Variants in SLCO5A1 observed in about 807,000 individuals in gnomAD.
The protein encoded by SLCO5A1 is solute carrier organic anion transporter family member 5A1.
In SLCO5A1, 39 loss-of-function variants were observed where a neutral mutation model predicts 65.1. That is an observed-to-expected ratio of 0.60 (90% CI 0.46 to 0.78). SLCO5A1 has a LOEUF of 0.78. Among genes scored for constraint, SLCO5A1 ranks in the 30% least tolerant of loss-of-function variants. The pLI, the probability that SLCO5A1 is intolerant of heterozygous loss-of-function variation, is 0.00. For missense variants in SLCO5A1, 1,029 were observed against 1,069.4 expected (o/e 0.96, Z 0.53); for synonymous variants, 438 against 415.7 (o/e 1.05, Z -0.65).
chr8:69,773,699 G>A (rs112282050), intron 2 of SLCO5A1, among the ~76,000 whole-genome samples: 3,520 of 152,178 alleles, frequency 0.023, 110 homozygotes, highest in African/African-American at 0.081. Flanking sequence ...TTTTCCTTTG[G>A]GGGTCACCCC....
At chr8:69,811,614 A>T (rs1377767988) in intron 2 of SLCO5A1, among the ~76,000 whole-genome samples, 1 of 152,228 alleles carries the variant, frequency 6.6e-6, no homozygotes, top group Non-Finnish European at 1.5e-5. Context: ...GGGCTGAGCA[A>T]GCTTACTGTG....
intron 6 of SLCO5A1, among the ~76,000 whole-genome samples, chr8:69,691,276 CT>C (rs758603154): frequency 6.6e-6 from 1 of 152,142 alleles, no homozygotes; most frequent in Non-Finnish European, 1.5e-5. Context: ...TGCTAGAGCT[CT>C]CACGATCTTT....
intron 2 of SLCO5A1, among the ~76,000 whole-genome samples, chr8:69,779,557 A>G (rs1435304796): frequency 6.6e-6 from 1 of 152,204 alleles, no homozygotes. Flanking sequence ...ACTACCTTTC[A>G]GAAACTACAC....
chr8:69,819,454 G>T (rs1431758252), intron 2 of SLCO5A1, among the ~76,000 whole-genome samples: 2 of 152,146 alleles, frequency 1.3e-5, no homozygotes, highest in Non-Finnish European at 2.9e-5. Context: ...CTTGCACAAA[G>T]ATATGAGCTA....
chr8:69,834,269 G>A (rs543788951), intron 1 of SLCO5A1: 4 of 152,944 alleles, frequency 2.6e-5, no homozygotes, highest in African/African-American at 9.6e-5. Flanking sequence ...GGCAAGGACG[G>A]GGGGCGGAAT....
intron 2 of SLCO5A1, among the ~76,000 whole-genome samples, chr8:69,818,821 A>T (rs1312828591): frequency 6.6e-6 from 1 of 152,158 alleles, no homozygotes. Context: ...TCTCAAACAC[A>T]CACAAAACTC....
At chr8:69,712,474 T>C (rs1348225610) in intron 5 of SLCO5A1, among the ~76,000 whole-genome samples, 1 of 152,146 alleles carries the variant, frequency 6.6e-6, no homozygotes, top group Admixed American at 6.6e-5. Context: ...ACACAGAAAA[T>C]ATACGGGAGC....
chr8:69,795,291 C>T (rs1398042491), intron 2 of SLCO5A1, among the ~76,000 whole-genome samples: 1 of 152,212 alleles, frequency 6.6e-6, no homozygotes, highest in Non-Finnish European at 1.5e-5. Flanking sequence ...CAAGGCAAAT[C>T]CCTTCAGCCT....
chr8:69,687,763 T>C (rs914849628), intron 6 of SLCO5A1, among the ~76,000 whole-genome samples: 10 of 152,008 alleles, frequency 6.6e-5, no homozygotes, highest in African/African-American at 1.7e-4. Context: ...AGATTGTATG[T>C]AAAGTTTTAA....
At chr8:69,741,578 A>C (rs188763387) in intron 4 of SLCO5A1, among the ~76,000 whole-genome samples, 2 of 152,328 alleles carry the variant, frequency 1.3e-5, no homozygotes, top group East Asian at 3.9e-4. Context: ...ATAATACATT[A>C]TACTTATTAA....
intron 2 of SLCO5A1, among the ~76,000 whole-genome samples, chr8:69,779,559 A>G (rs1223359396): frequency 6.6e-6 from 1 of 152,180 alleles, no homozygotes; most frequent in Non-Finnish European, 1.5e-5. Context: ...TACCTTTCAG[A>G]AACTACACTA....
chr8:69,832,804 C>T lies in SLCO5A1; in HGVS notation c.-131G>A. On this transcript the variant is annotated 5_prime_UTR_variant, in exon 2 of 10. Transcript: ENST00000260126. This position sits in a 1 kb window ranked among gnomAD's most constrained non-coding sequence, Gnocchi z 4.5. ...TGGGACTGGGGCTGGGGGCGCAGGGCCGCGCAGCAGGGCATCCTCACCAGC... is the reference window on the plus strand; with the variant it reads ...TGGGACTGGGGCTGGGGGCGCAGGGTCGCGCAGCAGGGCATCCTCACCAGC... 2.7e-6 allele frequency: 3 copies of T among 1,094,182 alleles called. No homozygotes were observed. Among genetic ancestry groups the T allele is most frequent in the Admixed American group, 5.7e-5 (2 of 34,812 alleles). 67.8% of individuals were successfully genotyped at this position (1,094,182 alleles called of 1,614,324 possible).
Position 69,707,535 on chromosome 8 carries a change from G to C in SLCO5A1, c.1424-2306C>G, listed in dbSNP as rs533475112. On this transcript the variant is annotated intron_variant, in intron 5 of 9. Coordinates refer to ENST00000260126, the MANE Select transcript of SLCO5A1 (RefSeq NM_030958.3). ...CTGGAGAAGAGAGGTAGGGAAAACA[G>C]AGACCATGAAAGACCATGAAAAGGA... is the stretch of plus-strand genomic sequence containing the variant. Among the ~76,000 whole-genome samples, 21 of 152,328 alleles carry C rather than the reference G, an allele frequency of 1.4e-4. No individual in the cohort carries two copies. In the East Asian group the frequency reaches 3.9e-3, roughly 28 times the overall value.
Position 69,705,091 on chromosome 8 carries a change from A to AT in SLCO5A1, c.1561_1562insA (p.Leu521HisfsTer7). On this transcript the variant is annotated frameshift_variant, in exon 6 of 10. Coordinates refer to ENST00000260126, the MANE Select transcript of SLCO5A1 (RefSeq NM_030958.3). LOFTEE classifies it high-confidence loss of function. The stretch of plus-strand genomic sequence containing the variant: ...AATGCTTTCACATCCAACAATAAAT[A>AT]GGGTTGAAAAACATAGTAAAGACAC... The AT allele has an allele frequency of 6.2e-7, 1 of 1,614,140 alleles. No individual in the cohort carries two copies. Among genetic ancestry groups the AT allele is most frequent in the Non-Finnish European group, 8.5e-7 (1 of 1,180,042 alleles).
intron 2 of SLCO5A1, among the ~76,000 whole-genome samples, chr8:69,811,356 T>G (rs1445162540): frequency 6.6e-5 from 10 of 152,206 alleles, no homozygotes; most frequent in Non-Finnish European, 1.5e-4. Context: ...GGAAGCTATT[T>G]ATAACCTGAA....
rs1424271480 is a variant in SLCO5A1 at position 69,673,218 on chromosome 8, G to A, written c.2198C>T (p.Ser733Leu). 3.1e-6 allele frequency: 5 copies of A among 1,614,168 alleles called. No individual in the cohort carries two copies. Among genetic ancestry groups the A allele is most frequent in the Non-Finnish European group, 3.4e-6 (4 of 1,180,022 alleles). The part of the protein sequence containing the change: ...QGSCWEYNVT[S>L]FRFVYFGLAA... ...CAAACCAAAATACACAAAACGAAACGACGTCACGTTGTACTCCCAGCAAGA... is the reference window on the plus strand; with the variant it reads ...CAAACCAAAATACACAAAACGAAACAACGTCACGTTGTACTCCCAGCAAGA... The change falls in exon 10 of 10, where the codon TCG becomes TTG. Residue 733 changes from serine (S) to leucine (L), a missense_variant. By Grantham distance (145) the Ser-to-Leu change is moderately radical (BLOSUM62 -2). Coordinates refer to ENST00000260126, the MANE Select transcript of SLCO5A1 (RefSeq NM_030958.3).
intron 2 of SLCO5A1, among the ~76,000 whole-genome samples, chr8:69,806,002 G>A: frequency 6.6e-6 from 1 of 152,138 alleles, no homozygotes; most frequent in East Asian, 1.9e-4. Context: ...GGATCATCTG[G>A]ATGCTTTTAA....
At chr8:69,765,219 C>T (rs199543047) in intron 2 of SLCO5A1, among the ~76,000 whole-genome samples, 85 of 148,932 alleles carry the variant, frequency 5.7e-4, no homozygotes, top group Middle Eastern at 6.8e-3. Flanking sequence ...TATATATATA[C>T]ACACACACAC....
At chr8:69,748,481 C>T (rs918224097) in intron 4 of SLCO5A1, among the ~76,000 whole-genome samples, 4 of 152,128 alleles carry the variant, frequency 2.6e-5, no homozygotes, top group African/African-American at 9.7e-5. Context: ...AGAAATCATA[C>T]ATACAATAAA....
Sources: allele counts gnomAD v4.1 joint callset (sites outside exome capture counted in the v4.1 genomes callset), GRCh38; gene constraint gnomAD v4.1.1; non-coding constraint Gnocchi (gnomAD v3.1); transcripts MANE v1.5; gene names NCBI Gene and HGNC (gene_info 2026-07-23, HGNC 2026-07-21).